Variants in SLC25A17 observed in about 807,000 individuals in gnomAD.
SLC25A17 encodes the protein solute carrier family 25 member 17.
In SLC25A17, 26 loss-of-function variants were observed where a neutral mutation model predicts 38.5. The ratio of observed to expected loss-of-function variants is 0.68; its 90% CI spans 0.50 to 0.94. SLC25A17 has a LOEUF of 0.94. SLC25A17 is among the 40% of genes least tolerant of loss of function. SLC25A17 has a pLI of 0.00. For missense variants in SLC25A17, 333 were observed against 372.7 expected, an observed-to-expected ratio of 0.89 and a Z score of 0.88; for synonymous variants, 139 against 136.2, an observed-to-expected ratio of 1.02 and a Z score of -0.14.
At chr22:40,801,076 C>T (rs374077766) in intron 1 of SLC25A17, among the ~76,000 whole-genome samples, 12 of 143,868 alleles carry the variant, frequency 8.3e-5, no homozygotes, top group African/African-American at 2.1e-4. Flanking sequence ...TGCACTCCAG[C>T]CTGGGCAAAA....
chr22:40,795,980 G>A (rs541155475), intron 2 of SLC25A17, among the ~76,000 whole-genome samples: 1 of 151,748 alleles, frequency 6.6e-6, no homozygotes, highest in Non-Finnish European at 1.5e-5. Context: ...GTAGAGACAG[G>A]GTTTTACCAT....
In SLC25A17 at chr22:40,796,992, G is replaced by GA. The variant is rs919414391; in HGVS notation, c.115+2030dup. Among the ~76,000 whole-genome samples, 12 of 151,730 alleles carry GA rather than the reference G, an allele frequency of 7.9e-5. No individual in the cohort carries two copies. The East Asian group carries it at 2.3e-3, about 29-fold the overall frequency. ...ATGCTTTTTGTGTAAAAAAGGGAGAGAAAAAAAAGTAAAAAAGGGAGAAAA... is the reference window on the plus strand; with the variant it reads ...ATGCTTTTTGTGTAAAAAAGGGAGAGAAAAAAAAAGTAAAAAAGGGAGAAAA... On this transcript the variant is annotated intron_variant, in intron 2 of 8. Coordinates refer to ENST00000435456, the MANE Select transcript of SLC25A17 (RefSeq NM_006358.4).
intron 1 of SLC25A17, among the ~76,000 whole-genome samples, chr22:40,816,800 G>A (rs1158340590): frequency 4.0e-5 from 6 of 151,172 alleles, no homozygotes; most frequent in Admixed American, 6.6e-5. Context: ...TAGTAGAGAC[G>A]GGGTTTCACC....
chr22:40,806,893 C>T (rs985682030), intron 1 of SLC25A17, among the ~76,000 whole-genome samples: 12 of 152,262 alleles, frequency 7.9e-5, no homozygotes, highest in Middle Eastern at 3.4e-3. Context: ...GGCTGGAGTA[C>T]TGTCTGTACC....
chr22:40,804,654 T>G (rs556720817), intron 1 of SLC25A17, among the ~76,000 whole-genome samples: 23 of 152,324 alleles, frequency 1.5e-4, no homozygotes, highest in Middle Eastern at 3.4e-3. Flanking sequence ...AGTTTGCAAA[T>G]AGTTTCTCCT....
chr22:40,807,614 C>CTGT (rs2057541421), intron 1 of SLC25A17, among the ~76,000 whole-genome samples: 2 of 152,040 alleles, frequency 1.3e-5, no homozygotes, highest in South Asian at 4.2e-4. Context: ...CTGGGTGTGG[C>CTGT]AGCGTACACC....
At chr22:40,814,713 TC>T (rs1318531726) in intron 1 of SLC25A17, among the ~76,000 whole-genome samples, 1 of 150,298 alleles carries the variant, frequency 6.7e-6, no homozygotes, top group African/African-American at 2.4e-5. Context: ...GAAGAACAGT[TC>T]CAGTGGTCAA....
At chr22:40,795,185 T>C (rs6002141) in intron 2 of SLC25A17, among the ~76,000 whole-genome samples, 57 of 152,372 alleles carry the variant, frequency 3.7e-4, no homozygotes, top group African/African-American at 1.3e-3. Context: ...TGTGACCATG[T>C]GCTAAATTCC....
chr22:40,794,498 C>T lies in SLC25A17; in HGVS notation c.182+16G>A, dbSNP rs767993295. ...AACAAGTTGCTTTAACGAAGGTGAA[C>T]TGAGGTAGTACTCACAGTCCTTCTT... On this transcript the variant is annotated intron_variant, in intron 3 of 8. Coordinates refer to ENST00000435456, the MANE Select transcript of SLC25A17 (RefSeq NM_006358.4). The T allele has an allele frequency of 1.7e-5, 26 of 1,562,834 alleles. No individual in the cohort carries two copies. In the Admixed American group the frequency reaches 4.4e-4, roughly 27 times the overall value.
intron 4 of SLC25A17, among the ~76,000 whole-genome samples, chr22:40,792,313 A>C (rs1372253043): frequency 6.6e-6 from 1 of 152,152 alleles, no homozygotes; most frequent in Non-Finnish European, 1.5e-5. Flanking sequence ...GTTTCATAAC[A>C]TTGTGAACAT....
chr22:40,771,080 T>C, intron 8 of SLC25A17, 99 bp from the exon 9 acceptor site: 1 of 1,049,364 alleles, frequency 9.5e-7, no homozygotes, highest in Non-Finnish European at 1.3e-6. Context: ...ATAGAGGTTT[T>C]AGATTTCAAC....
At chr22:40,801,007 G>A (rs1031174812) in intron 1 of SLC25A17, among the ~76,000 whole-genome samples, 3 of 150,748 alleles carry the variant, frequency 2.0e-5, no homozygotes, top group Non-Finnish European at 2.9e-5. Context: ...GGGAAGCTGA[G>A]GCAGGGGAAT....
intron 1 of SLC25A17, among the ~76,000 whole-genome samples, chr22:40,801,125 T>TTTTATATA (rs1411306043): frequency 6.5e-4 from 32 of 49,548 alleles, no homozygotes; most frequent in African/African-American, 2.6e-3. Context: ...AAAAAATATA[T>TTTTATATA]TACATATATA....
rs1377994798 is a variant in SLC25A17, at chr22:40,789,498, AT to A, written c.334+3026del. On this transcript the variant is annotated intron_variant, in intron 4 of 8. Transcript: ENST00000435456. This position sits in a 1 kb window ranked among gnomAD's most constrained non-coding sequence, Gnocchi z 4.5. ...TTTCCTTCTTTCCCTACCTTTTAAA[AT>A]ATTTTATGTTTGTTTGTTTATTTAG... Among the ~76,000 whole-genome samples the A allele has an allele frequency of 3.3e-5, 5 of 151,996 alleles. No individual in the cohort carries two copies. Among genetic ancestry groups the A allele is most frequent in the Non-Finnish European group, 7.4e-5 (5 of 67,990 alleles).
chr22:40,778,672 C>T (rs1408078043), intron 5 of SLC25A17, among the ~76,000 whole-genome samples: 1 of 152,110 alleles, frequency 6.6e-6, no homozygotes, highest in Non-Finnish European at 1.5e-5. Flanking sequence ...CACCCATTAA[C>T]TCATCATTTA....
At chr22:40,814,754 A>ATATATAT (rs2057617959) in intron 1 of SLC25A17, among the ~76,000 whole-genome samples, 9 of 135,202 alleles carry the variant, frequency 6.7e-5, no homozygotes, top group African/African-American at 2.5e-4. Flanking sequence ...GTACGTGCAG[A>ATATATAT]ATATATATAT....
At chr22:40,787,742 A>T (rs1157839080) in intron 4 of SLC25A17, among the ~76,000 whole-genome samples, 1 of 151,822 alleles carries the variant, frequency 6.6e-6, no homozygotes, top group Non-Finnish European at 1.5e-5. Context: ...TGTCTTCGAC[A>T]ACAACAACAA....
At chr22:40,786,212 G>A (rs2057336481) in intron 4 of SLC25A17, among the ~76,000 whole-genome samples, 1 of 152,062 alleles carries the variant, frequency 6.6e-6, no homozygotes, top group African/African-American at 2.4e-5. Flanking sequence ...TAGAGAGGCT[G>A]AGGCAGGAGA....
chr22:40,787,262 G>A (rs1029846009), intron 4 of SLC25A17, among the ~76,000 whole-genome samples: 1 of 152,158 alleles, frequency 6.6e-6, no homozygotes, highest in Non-Finnish European at 1.5e-5. Flanking sequence ...GAGGAATGGG[G>A]TTACTACATG....
Sources: allele counts gnomAD v4.1 joint callset (sites outside exome capture counted in the v4.1 genomes callset), GRCh38; gene constraint gnomAD v4.1.1; non-coding constraint Gnocchi (gnomAD v3.1); transcripts MANE v1.5; gene names NCBI Gene and HGNC (gene_info 2026-07-23, HGNC 2026-07-21).